Variants in DNAJC15 observed in about 807,000 individuals in gnomAD.
DNAJC15 encodes the protein dnaJ homolog subfamily C member 15.
DNAJC15 carries 27 observed loss-of-function variants against 22.4 expected under a neutral mutation model. That is an observed-to-expected ratio of 1.20 (90% CI 0.89 to 1.66). DNAJC15 has a LOEUF of 1.66. Among genes scored for constraint, DNAJC15 ranks in the 40% most tolerant of loss-of-function variants. The probability of loss-of-function intolerance (pLI) is 0.00; values close to 1 mark genes in which losing one functional copy is unlikely to be tolerated. For synonymous variants in DNAJC15, 79 were observed against 63.2 expected, an observed-to-expected ratio of 1.25 and a Z score of -1.19; for missense variants, 208 against 187.1, an observed-to-expected ratio of 1.11 and a Z score of -0.65.
At chr13:43,076,127 G>T (rs1262812770) in intron 3 of DNAJC15, among the ~76,000 whole-genome samples, 1 of 152,100 alleles carries the variant, frequency 6.6e-6, no homozygotes, top group Non-Finnish European at 1.5e-5. Flanking sequence ...CTTGTGTCAG[G>T]GGTGGGGGAC....
At chr13:43,082,103 G>A (rs1162364729) in intron 4 of DNAJC15, among the ~76,000 whole-genome samples, 1 of 151,918 alleles carries the variant, frequency 6.6e-6, no homozygotes, top group Non-Finnish European at 1.5e-5. Flanking sequence ...GGGGATTATG[G>A]GAGCTATAAT....
In DNAJC15 at chr13:43,056,553, A is replaced by G. The variant is rs187536105; in HGVS notation, c.109-9133A>G. On this transcript the variant is annotated intron_variant, in intron 1 of 5. Coordinates refer to ENST00000379221, the MANE Select transcript of DNAJC15 (RefSeq NM_013238.3). ...CTGTTAATTCCATTTGTTCTAGGGT[A>G]TAGTTTAAGTCCACTGTTTCTTTGT... is the stretch of plus-strand genomic sequence containing the variant. Among the ~76,000 whole-genome samples the G allele has an allele frequency of 9.2e-5, 14 of 152,308 alleles. No individual in the cohort carries two copies. In the East Asian group the frequency reaches 2.5e-3, roughly 27 times the overall value.
intron 5 of DNAJC15, among the ~76,000 whole-genome samples, chr13:43,089,244 T>C (rs972683204): frequency 5.3e-5 from 8 of 152,240 alleles, no homozygotes; most frequent in African/African-American, 1.9e-4. Flanking sequence ...AAAAATTATT[T>C]ATTTAGCACC....
chr13:43,063,502 T>A (rs918175307), intron 1 of DNAJC15, among the ~76,000 whole-genome samples: 1 of 152,188 alleles, frequency 6.6e-6, no homozygotes, highest in African/African-American at 2.4e-5. Context: ...ATCTTTATAA[T>A]CTGATATTAA....
Position 43,087,048 on chromosome 13 carries a change from A to G in DNAJC15, c.382+1210A>G, listed in dbSNP as rs2040691981. Reference sequence around the variant, plus strand: ...TATGAGTTTTATTATTTGCAAAATGACAGGATTTATTTCTAAAGTCCTTTT... The same window carrying G: ...TATGAGTTTTATTATTTGCAAAATGGCAGGATTTATTTCTAAAGTCCTTTT... On this transcript the variant is annotated intron_variant, in intron 5 of 5. Transcript: ENST00000379221. Among the ~76,000 whole-genome samples the G allele has an allele frequency of 3.3e-5, 5 of 152,340 alleles. No individual in the cohort carries two copies. In the South Asian group the frequency reaches 1.0e-3, roughly 32 times the overall value.
intron 1 of DNAJC15, among the ~76,000 whole-genome samples, chr13:43,065,421 G>A (rs957168186): frequency 2.6e-5 from 4 of 152,238 alleles, no homozygotes; most frequent in African/African-American, 7.2e-5. Context: ...TATAGCAATA[G>A]GTAGTATAAA....
chr13:43,064,853 C>G (rs1487017491), intron 1 of DNAJC15, among the ~76,000 whole-genome samples: 1 of 151,902 alleles, frequency 6.6e-6, no homozygotes, highest in African/African-American at 2.4e-5. Flanking sequence ...TCAGAAGTTG[C>G]ATACACTACT....
At chr13:43,044,532 A>G (rs2040467566) in intron 1 of DNAJC15, among the ~76,000 whole-genome samples, 2 of 152,294 alleles carry the variant, frequency 1.3e-5, no homozygotes, top group Admixed American at 1.3e-4. Flanking sequence ...GTTCAAGACA[A>G]TAACCTTGAC....
chr13:43,067,225 C>A (rs116491063), intron 2 of DNAJC15, among the ~76,000 whole-genome samples: 23 of 151,900 alleles, frequency 1.5e-4, no homozygotes, highest in African/African-American at 5.3e-4. Context: ...TCACAATTAT[C>A]ATTTAAAACA....
chr13:43,095,697 T>G (rs1235991525), intron 5 of DNAJC15, among the ~76,000 whole-genome samples: 3 of 151,722 alleles, frequency 2.0e-5, no homozygotes, highest in Admixed American at 6.6e-5. Flanking sequence ...AAGGAGAAAA[T>G]GATACCATAG....
intron 1 of DNAJC15, among the ~76,000 whole-genome samples, chr13:43,026,085 T>C (rs2040379517): frequency 6.6e-6 from 1 of 152,212 alleles, no homozygotes; most frequent in Admixed American, 6.5e-5. Context: ...TTATATTGGC[T>C]TTTCAAGTAG....
chr13:43,028,038 C>T (rs536936504), intron 1 of DNAJC15, among the ~76,000 whole-genome samples: 1 of 152,088 alleles, frequency 6.6e-6, no homozygotes, highest in Non-Finnish European at 1.5e-5. Flanking sequence ...TTTATTTGTT[C>T]TCTGGTATGT....
rs967276285 is a variant in DNAJC15 at position 43,034,516 on chromosome 13, C to T, written c.108+10782C>T. On this transcript the variant is annotated intron_variant, in intron 1 of 5. Transcript: ENST00000379221. The stretch of plus-strand genomic sequence containing the variant: ...ATTTTTAGTAGAGACGGGGTTTCCC[C>T]GTGTTAGCCAGGATGGTCTTGTTCT... Among the ~76,000 whole-genome samples the T allele has an allele frequency of 4.6e-5, 7 of 151,694 alleles. 1 individual carries two copies. The highest frequency in any genetic ancestry group is 3.9e-4 in the East Asian group (2 of 5,164).
At chr13:43,038,075 T>G (rs528360994) in intron 1 of DNAJC15, among the ~76,000 whole-genome samples, 2 of 152,342 alleles carry the variant, frequency 1.3e-5, no homozygotes, top group African/African-American at 4.8e-5. Flanking sequence ...TTGTTTCCAT[T>G]TTTTTGTATT....
rs144620914 is a variant in DNAJC15 at position 43,107,176 on chromosome 13, A to G, written c.383-2A>G. The stretch of plus-strand genomic sequence containing the variant: ...TTAATTCATTTTTCTTTGTTCTCTC[A>G]GGTGGATCTCCTTACGTAGCAGCCA... On this transcript the variant is annotated splice_acceptor_variant, in intron 5 of 5. Transcript: ENST00000379221. LOFTEE classifies it high-confidence loss of function. 1.1e-4 allele frequency: 178 copies of G among 1,566,934 alleles called. No homozygotes were observed. The highest frequency in any genetic ancestry group is 9.0e-4 in the Middle Eastern group (5 of 5,548).
intron 1 of DNAJC15, among the ~76,000 whole-genome samples, chr13:43,064,650 A>T (rs963042859): frequency 6.6e-6 from 1 of 152,240 alleles, no homozygotes. Context: ...TTTTATTTTT[A>T]TCCCATGTAT....
Position 43,085,811 on chromosome 13 carries a change from G to C in DNAJC15, c.355G>C (p.Val119Leu), listed in dbSNP as rs1442221344. 1.9e-6 allele frequency: 3 copies of C among 1,613,446 alleles called. No individual in the cohort carries two copies. ...TAAGATTAGAACAGCTCATAGGAGA[G>C]TCATGATTTTGAATCACCCAGATAA... ...KAKIRTAHRRVMILNHPDKGG... is the reference protein window; with the variant it reads ...KAKIRTAHRRLMILNHPDKGG... The change falls in exon 5 of 6, where the codon GTC (valine) becomes CTC (leucine). Residue 119 changes from valine to leucine, a missense_variant. By Grantham distance (32) the Val-to-Leu change is conservative (BLOSUM62 1). Transcript: ENST00000379221.
chr13:43,034,665 C>A (rs1481500217), intron 1 of DNAJC15, among the ~76,000 whole-genome samples: 1 of 152,120 alleles, frequency 6.6e-6, no homozygotes, highest in African/African-American at 2.4e-5. Flanking sequence ...AGTTTGGTTT[C>A]ATGGATAGTA....
intron 4 of DNAJC15, among the ~76,000 whole-genome samples, chr13:43,079,071 A>G (rs949860188): frequency 2.0e-5 from 3 of 152,178 alleles, no homozygotes; most frequent in Non-Finnish European, 4.4e-5. Context: ...CTGCTTCTGC[A>G]GTGTGACATC....
Sources: gnomAD v4.1 joint callset for allele counts (sites outside exome capture counted in the v4.1 genomes callset) on GRCh38, gnomAD v4.1.1 for gene constraint, MANE v1.5 for transcripts, NCBI Gene and HGNC (gene_info 2026-07-23, HGNC 2026-07-21) for gene names.